WWP1: variants seen among roughly 807,000 people sequenced by gnomAD.
WWP1 encodes the protein NEDD4-like E3 ubiquitin-protein ligase WWP1.
WWP1 carries 49 observed loss-of-function variants against 130.6 expected under a neutral mutation model. That is an observed-to-expected ratio of 0.38 (90% CI 0.30 to 0.48). The LOEUF (loss-of-function observed/expected upper bound fraction) is 0.48. Among genes scored for constraint, WWP1 ranks in the 20% least tolerant of loss-of-function variants. The pLI, the probability that WWP1 is intolerant of heterozygous loss-of-function variation, is 0.99. For synonymous variants in WWP1, 332 were observed against 367.8 expected (o/e 0.90, Z 1.11); for missense variants, 809 against 1,100.6 (o/e 0.74, Z 3.75).
At chr8:86,348,410 G>T (rs1210549873) in intron 1 of WWP1, among the ~76,000 whole-genome samples, 1 of 151,978 alleles carries the variant, frequency 6.6e-6, no homozygotes, top group Admixed American at 6.6e-5. Context: ...TAGAGACGGG[G>T]TTTCTCCATG....
At chr8:86,433,062 G>A (rs917723987) in intron 14 of WWP1, among the ~76,000 whole-genome samples, 2 of 152,134 alleles carry the variant, frequency 1.3e-5, no homozygotes, top group African/African-American at 4.8e-5. Context: ...TGTTAATCCA[G>A]GCGTTGGTTT....
chr8:86,396,563 A>G (rs1181741470), intron 5 of WWP1, among the ~76,000 whole-genome samples: 1 of 115,006 alleles, frequency 8.7e-6, no homozygotes, highest in Admixed American at 8.4e-5. Context: ...CATGGTTTAA[A>G]CATTTTTTTT....
At chr8:86,361,958 T>C (rs1398882370) in intron 1 of WWP1, among the ~76,000 whole-genome samples, 1 of 141,706 alleles carries the variant, frequency 7.1e-6, no homozygotes, top group Admixed American at 7.1e-5. Context: ...CCTGAAAATA[T>C]GCCTAGTGTG....
At chr8:86,356,806 G>A (rs1010606163) in intron 1 of WWP1, among the ~76,000 whole-genome samples, 1 of 152,154 alleles carries the variant, frequency 6.6e-6, no homozygotes, top group Non-Finnish European at 1.5e-5. Flanking sequence ...GGAAGTTGGT[G>A]TAATCTATTT....
intron 12 of WWP1, among the ~76,000 whole-genome samples, chr8:86,431,189 TATA>T (rs1395540694): frequency 2.3e-4 from 32 of 140,456 alleles, no homozygotes; most frequent in South Asian, 2.1e-4. Flanking sequence ...TTATCTATAA[TATA>T]ATATATATTA....
At chr8:86,458,277 G>T (rs1811567542) in intron 22 of WWP1, among the ~76,000 whole-genome samples, 1 of 152,140 alleles carries the variant, frequency 6.6e-6, no homozygotes, top group African/African-American at 2.4e-5. Flanking sequence ...GTTAATAGTT[G>T]TAGGCGTAGC....
rs150194913 is a variant in WWP1, at chr8:86,457,592, C to T, written c.2395-329C>T. Among the ~76,000 whole-genome samples, 278 of 151,122 alleles carry T rather than the reference C, an allele frequency of 1.8e-3. 1 individual carries two copies. The highest frequency in any genetic ancestry group is 6.9e-3 in the Middle Eastern group (2 of 290). ...AAATCTATATATATAGATGTGTGTG[C>T]GTGTGTGTGTAAATACACACACACA... On this transcript the variant is annotated intron_variant, in intron 21 of 24. Transcript: ENST00000517970.
chr8:86,346,268 G>C (rs1170828229), intron 1 of WWP1, among the ~76,000 whole-genome samples: 3 of 152,108 alleles, frequency 2.0e-5, no homozygotes, highest in Admixed American at 6.5e-5. Context: ...GGGGAGTAGG[G>C]AGGAGAGAGG....
intron 9 of WWP1, among the ~76,000 whole-genome samples, chr8:86,417,430 T>G (rs1808950230): frequency 6.6e-6 from 1 of 152,144 alleles, no homozygotes; most frequent in Non-Finnish European, 1.5e-5. Flanking sequence ...TTTAGAAAAT[T>G]AGAAATAAGA....
At chr8:86,422,033 CA>C (rs986819796) in intron 9 of WWP1, among the ~76,000 whole-genome samples, 5 of 152,026 alleles carry the variant, frequency 3.3e-5, no homozygotes, top group African/African-American at 1.2e-4. Context: ...TCTTGATAAG[CA>C]CTCACATTTA....
chr8:86,405,771 A>G (rs1478302681), intron 8 of WWP1, among the ~76,000 whole-genome samples: 3 of 152,114 alleles, frequency 2.0e-5, no homozygotes, highest in Non-Finnish European at 4.4e-5. Context: ...GCCCCAAGCA[A>G]TCATCCCACC....
intron 5 of WWP1, among the ~76,000 whole-genome samples, chr8:86,393,989 G>A (rs1038251703): frequency 5.3e-5 from 8 of 152,232 alleles, no homozygotes; most frequent in African/African-American, 1.9e-4. Context: ...AAGCCCTGTG[G>A]CGGGGCACTG....
At chr8:86,345,228 C>G (rs1169440375) in intron 1 of WWP1, among the ~76,000 whole-genome samples, 1 of 152,202 alleles carries the variant, frequency 6.6e-6, no homozygotes, top group Non-Finnish European at 1.5e-5. Flanking sequence ...TGAGCAAGAT[C>G]ATGAAGCTTT....
intron 17 of WWP1, among the ~76,000 whole-genome samples, chr8:86,441,407 G>A (rs1338488362): frequency 6.6e-6 from 1 of 152,224 alleles, no homozygotes; most frequent in Non-Finnish European, 1.5e-5. Flanking sequence ...ATCAGTGATT[G>A]TGTTTTATAA....
chr8:86,389,353 T>A (rs1258536361), intron 5 of WWP1, among the ~76,000 whole-genome samples: 2 of 152,174 alleles, frequency 1.3e-5, no homozygotes, highest in Non-Finnish European at 2.9e-5. Context: ...GGGAGTGTGA[T>A]GACTCTTAAC....
chr8:86,387,657 C>T (rs534992284), intron 5 of WWP1, among the ~76,000 whole-genome samples: 2 of 152,110 alleles, frequency 1.3e-5, no homozygotes, highest in East Asian at 1.9e-4. Flanking sequence ...GGGTTACAGA[C>T]GTGTGCTACC....
intron 5 of WWP1, among the ~76,000 whole-genome samples, chr8:86,388,177 C>T (rs997448404): frequency 6.8e-6 from 1 of 147,076 alleles, no homozygotes; most frequent in Admixed American, 6.8e-5. Context: ...TTTTTTTAAA[C>T]AACTTTCCTT....
chr8:86,381,015 A>G, intron 4 of WWP1, 151 bp downstream of exon 4: 1 of 953,910 alleles, frequency 1.0e-6, no homozygotes, highest in Non-Finnish European at 1.4e-6. Context: ...TTTTGGTTAA[A>G]TTTTTTTTTT....
chr8:86,351,611 T>C (rs1822926899), intron 1 of WWP1, among the ~76,000 whole-genome samples: 1 of 151,634 alleles, frequency 6.6e-6, no homozygotes, highest in Non-Finnish European at 1.5e-5. Context: ...TTTACAGGCA[T>C]GAGCCACCAG....
Sources: gnomAD v4.1 joint callset for allele counts (sites outside exome capture counted in the v4.1 genomes callset) on GRCh38, gnomAD v4.1.1 for gene constraint, MANE v1.5 for transcripts, NCBI Gene and HGNC (gene_info 2026-07-23, HGNC 2026-07-21) for gene names.